The following PDE4D variants were observed in gnomAD, a reference collection of about 807,000 sequenced individuals.
PDE4D encodes 3',5'-cyclic-AMP phosphodiesterase 4D.
A neutral mutation model predicts 87.4 loss-of-function variants in PDE4D; 24 were observed. That is an observed-to-expected ratio of 0.27 (90% confidence interval 0.20 to 0.39). PDE4D has a LOEUF of 0.39. Ranked by LOEUF, PDE4D falls within the 10% of genes least tolerant of loss-of-function variation. The pLI is 1.00. For synonymous variants in PDE4D, 384 were observed against 383.2 expected (o/e 1.00, Z -0.02); for missense variants, 714 against 1,041.0 (o/e 0.69, Z 4.32).
intron 5 of PDE4D, among the ~76,000 whole-genome samples, chr5:59,046,278 G>A (rs186362598): frequency 6.6e-6 from 1 of 152,192 alleles, no homozygotes; most frequent in East Asian, 1.9e-4. Flanking sequence ...ATGTATGTGT[G>A]TGCATGTGTG....
At chr5:60,201,554 T>C (rs1395274440) in intron 1 of PDE4D, among the ~76,000 whole-genome samples, 1 of 152,176 alleles carries the variant, frequency 6.6e-6, no homozygotes, top group African/African-American at 2.4e-5. Flanking sequence ...AGTTTTGTTA[T>C]CGTCACTTTC....
At chr5:59,892,480 C>T (rs1014814273) in intron 1 of PDE4D, among the ~76,000 whole-genome samples, 26 of 152,170 alleles carry the variant, frequency 1.7e-4, no homozygotes, top group Non-Finnish European at 8.8e-5. Context: ...ACTCCCACAG[C>T]GTCCTCGCTC....
intron 5 of PDE4D, among the ~76,000 whole-genome samples, chr5:59,074,177 T>G (rs1400957053): frequency 6.6e-6 from 1 of 152,202 alleles, no homozygotes; most frequent in Non-Finnish European, 1.5e-5. Context: ...TACTATTATA[T>G]GGGGAATAAA....
chr5:60,185,082 A>T (rs754447191), intron 2 of PDE4D, among the ~76,000 whole-genome samples: 40 of 152,152 alleles, frequency 2.6e-4, no homozygotes, highest in Non-Finnish European at 4.4e-4. Context: ...AAATGTTTTT[A>T]AAAAAAGATT....
intron 1 of PDE4D, among the ~76,000 whole-genome samples, chr5:59,452,652 C>T (rs1350121954): frequency 1.3e-5 from 2 of 152,192 alleles, no homozygotes; most frequent in African/African-American, 4.8e-5. Context: ...CTCCAATGTG[C>T]TACATCTATC....
At chr5:60,085,529 G>C (rs1471480584) in intron 2 of PDE4D, among the ~76,000 whole-genome samples, 2 of 152,090 alleles carry the variant, frequency 1.3e-5, no homozygotes, top group African/African-American at 4.8e-5. Flanking sequence ...ATTGATAATG[G>C]GAGAAAGAAA....
At chr5:59,879,128 C>G (rs1039822018) in intron 1 of PDE4D, among the ~76,000 whole-genome samples, 1 of 151,460 alleles carries the variant, frequency 6.6e-6, no homozygotes, top group African/African-American at 2.4e-5. Context: ...TCTCGATCTC[C>G]TGACCTCGTG....
chr5:60,010,896 T>A (rs10068304), intron 2 of PDE4D, among the ~76,000 whole-genome samples: 111,267 of 152,034 alleles, frequency 0.73, 41,269 homozygotes, highest in East Asian at 0.89. Context: ...TCTTAATAAC[T>A]TCTCACTTAC....
chr5:59,309,610 G>A (rs1211922191), intron 1 of PDE4D, among the ~76,000 whole-genome samples: 4 of 152,136 alleles, frequency 2.6e-5, no homozygotes, highest in Non-Finnish European at 5.9e-5. Flanking sequence ...AGTATTTGGG[G>A]TGTTTCCCAG....
At chr5:60,223,974 A>G (rs544092397) in intron 1 of PDE4D, among the ~76,000 whole-genome samples, 1 of 152,216 alleles carries the variant, frequency 6.6e-6, no homozygotes, top group Non-Finnish European at 1.5e-5. Flanking sequence ...GGTAGTGTCT[A>G]AGACTTAGAG....
chr5:59,922,126 C>T (rs1040092504), intron 3 of PDE4D, among the ~76,000 whole-genome samples: 5 of 152,280 alleles, frequency 3.3e-5, no homozygotes, highest in Admixed American at 6.5e-5. Context: ...GGGCAGAACT[C>T]AGCTAGCGCC....
chr5:59,232,433 A>T (rs933158845), intron 1 of PDE4D, among the ~76,000 whole-genome samples: 1 of 152,004 alleles, frequency 6.6e-6, no homozygotes, highest in African/African-American at 2.4e-5. Flanking sequence ...AAAGTACTCA[A>T]CATTACTAAT....
At chr5:60,245,055 G>T (rs1197452399) in intron 1 of PDE4D, among the ~76,000 whole-genome samples, 4 of 151,992 alleles carry the variant, frequency 2.6e-5, no homozygotes, top group South Asian at 2.1e-4. Context: ...TCTGATAAGG[G>T]ATTAATAACC....
chr5:60,266,963 G>A (rs1028646131), intron 1 of PDE4D, among the ~76,000 whole-genome samples: 6 of 152,212 alleles, frequency 3.9e-5, no homozygotes, highest in African/African-American at 1.4e-4. Context: ...CCAAACCCAT[G>A]TGTTTCTGCC....
intron 1 of PDE4D, among the ~76,000 whole-genome samples, chr5:60,441,521 G>A (rs1046381823): frequency 1.3e-5 from 2 of 152,148 alleles, no homozygotes; most frequent in Non-Finnish European, 2.9e-5. Flanking sequence ...GAGGATATAG[G>A]CATGGGCAAA....
rs77037093 is a variant in PDE4D at position 59,593,939 on chromosome 5, T to G, written c.455+299229A>C. 5.6e-3 allele frequency among the ~76,000 whole-genome samples: 850 copies of G among 152,276 alleles called. 12 individuals carry two copies. The highest frequency in any genetic ancestry group is 0.02 in the African/African-American group (821 of 41,552). On this transcript the variant is annotated intron_variant, in intron 1 of 14. Transcript: ENST00000340635. ...GGGAAAAAGTACACATCTTTAAATC[T>G]GCTGAAGCTTGGTTCTTCCTGAGGA...
chr5:60,392,700 C>A (rs1275965050), intron 1 of PDE4D, among the ~76,000 whole-genome samples: 1 of 152,170 alleles, frequency 6.6e-6, no homozygotes, highest in Non-Finnish European at 1.5e-5. Flanking sequence ...CATTTTCTAG[C>A]CTTTTGTTAA....
intron 5 of PDE4D, among the ~76,000 whole-genome samples, chr5:59,096,471 G>A (rs1373538415): frequency 6.6e-6 from 1 of 152,060 alleles, no homozygotes; most frequent in Non-Finnish European, 1.5e-5. Flanking sequence ...ATTTCCTTTG[G>A]GGAACATCCC....
At chr5:59,435,198 C>G (rs571986433) in intron 1 of PDE4D, among the ~76,000 whole-genome samples, 65 of 152,256 alleles carry the variant, frequency 4.3e-4, no homozygotes, top group Non-Finnish European at 7.5e-4. Flanking sequence ...CACTTACCTA[C>G]CAAGATTATC....
Sources: allele counts gnomAD v4.1 joint callset (sites outside exome capture counted in the v4.1 genomes callset), GRCh38; gene constraint gnomAD v4.1.1; transcripts MANE v1.5; gene names NCBI Gene and HGNC (gene_info 2026-07-23, HGNC 2026-07-21).